The following SAMD4A variants were observed in gnomAD, a reference collection of about 807,000 sequenced individuals.
The protein encoded by SAMD4A is protein Smaug homolog 1.
Under a neutral mutation model 81.3 loss-of-function variants are expected in SAMD4A, and 33 were observed. The observed-to-expected ratio is 0.41, with a 90% confidence interval of 0.31 to 0.54. The LOEUF is 0.54. Ranked by LOEUF, SAMD4A falls within the 20% of genes least tolerant of loss-of-function variation. SAMD4A has a pLI of 0.37. For synonymous variants in SAMD4A, 389 were observed against 382.1 expected (o/e 1.02, Z -0.21); for missense variants, 854 against 951.1 (o/e 0.90, Z 1.34).
intron 8 of SAMD4A, among the ~76,000 whole-genome samples, chr14:54,767,075 A>G (rs2038566216): frequency 6.6e-6 from 1 of 152,100 alleles, no homozygotes; most frequent in African/African-American, 2.4e-5. Context: ...GTCAGGATGG[A>G]GGGGCCTGCG....
intron 2 of SAMD4A, among the ~76,000 whole-genome samples, chr14:54,570,708 G>C (rs901854562): frequency 6.6e-6 from 1 of 152,142 alleles, no homozygotes; most frequent in Non-Finnish European, 1.5e-5. Context: ...TGTTGTTAAC[G>C]GTGAACTATG....
At chr14:54,605,166 G>A (rs895776304) in intron 2 of SAMD4A, among the ~76,000 whole-genome samples, 2 of 152,074 alleles carry the variant, frequency 1.3e-5, no homozygotes, top group East Asian at 3.8e-4. Flanking sequence ...ATTACAGCGG[G>A]GGTAGCTTCC....
intron 2 of SAMD4A, among the ~76,000 whole-genome samples, chr14:54,603,810 GTTTA>G (rs1210954060): frequency 2.0e-5 from 3 of 147,922 alleles, no homozygotes; most frequent in South Asian, 4.3e-4. Context: ...TTGTTTGTTT[GTTTA>G]TTTGTTTATT....
chr14:54,605,822 C>T (rs1243204485), intron 2 of SAMD4A, among the ~76,000 whole-genome samples: 1 of 151,626 alleles, frequency 6.6e-6, no homozygotes, highest in Non-Finnish European at 1.5e-5. Context: ...TATATATAAA[C>T]ATGCCCATAT....
intron 8 of SAMD4A, among the ~76,000 whole-genome samples, chr14:54,769,288 A>C (rs559014326): frequency 1.3e-5 from 2 of 152,334 alleles, no homozygotes; most frequent in South Asian, 4.1e-4. Flanking sequence ...AAGGGAGCCC[A>C]GGTATCTGAA....
chr14:54,672,318 C>T (rs964708445), intron 2 of SAMD4A, among the ~76,000 whole-genome samples: 4 of 151,976 alleles, frequency 2.6e-5, no homozygotes, highest in African/African-American at 4.8e-5. Context: ...TCTTCCTAAG[C>T]GCAGAAGGGT....
intron 2 of SAMD4A, among the ~76,000 whole-genome samples, chr14:54,670,181 G>A (rs946383237): frequency 6.6e-5 from 10 of 151,760 alleles, no homozygotes; most frequent in South Asian, 2.1e-4. Flanking sequence ...CTCATTCCCC[G>A]CCCCCATCTG....
intron 2 of SAMD4A, chr14:54,688,407 T>G: frequency 1.0e-3 from 958 of 956,520 alleles, no homozygotes; most frequent in Middle Eastern, 2.2e-3. Context: ...GGGTGGTTTG[T>G]GAGGGTGTGA....
intron 2 of SAMD4A, among the ~76,000 whole-genome samples, chr14:54,619,600 A>G (rs1313451353): frequency 1.3e-5 from 2 of 152,110 alleles, no homozygotes; most frequent in East Asian, 1.9e-4. Context: ...AGGTTTTGTT[A>G]TATAGGCCTT....
chr14:54,631,454 G>C (rs1184171107), intron 2 of SAMD4A, among the ~76,000 whole-genome samples: 1 of 152,048 alleles, frequency 6.6e-6, no homozygotes, highest in Non-Finnish European at 1.5e-5. Flanking sequence ...ACATTCTCAG[G>C]GTCTTCATTT....
At chr14:54,636,943 C>T (rs749584679) in intron 2 of SAMD4A, among the ~76,000 whole-genome samples, 7 of 151,950 alleles carry the variant, frequency 4.6e-5, no homozygotes, top group East Asian at 3.9e-4. Context: ...ATCAAGGGGG[C>T]GAGATATACA....
At chr14:54,689,184 C>CAT (rs1342963037) in intron 2 of SAMD4A, among the ~76,000 whole-genome samples, 4 of 152,264 alleles carry the variant, frequency 2.6e-5, no homozygotes, top group African/African-American at 9.6e-5. Context: ...CCACCCACCT[C>CAT]AGCCTCCCAA....
chr14:54,567,668 T>A lies in SAMD4A; in HGVS notation c.-249T>A. ...ATTTTTAAAAAGTCGTTTTTTTTTT[T>A]AAAGAAACATTTCCGTGCTACTGTC... On this transcript the variant is annotated 5_prime_UTR_variant, in exon 2 of 13. Transcript: ENST00000554335. 2 of 476,768 alleles carry A rather than the reference T, an allele frequency of 4.2e-6. No individual in the cohort carries two copies. Among genetic ancestry groups the A allele is most frequent in the Non-Finnish European group, 7.3e-6 (2 of 272,572 alleles). The allele number at this position is 476,768 out of a possible 1,614,324, so 29.5% of individuals were successfully genotyped here.
At chr14:54,606,183 C>CTGTGTGTG (rs57209362) in intron 2 of SAMD4A, among the ~76,000 whole-genome samples, 2,648 of 146,626 alleles carry the variant, frequency 0.018, 40 homozygotes, top group South Asian at 0.076. Context: ...TACTTCTGGG[C>CTGTGTGTG]TGTGTGTGTG....
At chr14:54,581,171 A>G (rs1158935840) in intron 2 of SAMD4A, among the ~76,000 whole-genome samples, 1 of 152,264 alleles carries the variant, frequency 6.6e-6, no homozygotes, top group African/African-American at 2.4e-5. Flanking sequence ...CAGAAATCAC[A>G]AGGCTATTAC....
At position 54,664,810 on chromosome 14, in the gene SAMD4A, A is replaced by AACACACACAC. The variant is rs140875623; in HGVS notation, c.197-37221_197-37212dup. Reference sequence around the variant, plus strand: ...TAAATATGTTTAATTATGTGAATCCAACACACACACACACACACACACACA... The same window carrying AACACACACAC: ...TAAATATGTTTAATTATGTGAATCCAACACACACACACACACACACACACACACACACACA... On this transcript the variant is annotated intron_variant, in intron 2 of 12. Coordinates refer to ENST00000554335, the MANE Select transcript of SAMD4A (RefSeq NM_015589.6). 4.1e-3 allele frequency among the ~76,000 whole-genome samples: 584 copies of AACACACACAC among 141,750 alleles called. 2 individuals are homozygous for AACACACACAC. Among genetic ancestry groups the AACACACACAC allele is most frequent in the African/African-American group, 0.013 (487 of 38,742 alleles). The allele number at this position is 141,750 out of a possible 152,430, so 93.0% of individuals were successfully genotyped here. A position where few individuals can be genotyped will look rare whatever the true frequency, so the allele number is the denominator to read the frequency against.
At chr14:54,574,508 T>G (rs2033229461) in intron 2 of SAMD4A, among the ~76,000 whole-genome samples, 1 of 152,132 alleles carries the variant, frequency 6.6e-6, no homozygotes, top group Non-Finnish European at 1.5e-5. Context: ...GAAGGATGAA[T>G]GTGAATAGGG....
chr14:54,663,041 T>G lies in SAMD4A; in HGVS notation c.197-39021T>G, dbSNP rs550570952. On this transcript the variant is annotated intron_variant, in intron 2 of 12. Transcript: ENST00000554335. The stretch of plus-strand genomic sequence containing the variant: ...TAATTAATCACACTGGGGAAACTAC[T>G]CCATTGAAGTTGGACATAACAGGAT... 8.7e-4 allele frequency among the ~76,000 whole-genome samples: 133 copies of G among 152,320 alleles called. 1 individual carries two copies. The highest frequency in any genetic ancestry group is 3.0e-3 in the African/African-American group (126 of 41,556).
rs777395365 is a variant in SAMD4A at position 54,737,015 on chromosome 14, T to A, written c.716-9T>A. 5 of 1,612,792 alleles carry A rather than the reference T, an allele frequency of 3.1e-6. No individual in the cohort carries two copies. Among genetic ancestry groups the A allele is most frequent in the Admixed American group, 1.7e-5 (1 of 59,984 alleles). Reference sequence around the variant, plus strand: ...GGAATAACCTATTTCATTTTATTTTTTTTTCCAGTTCTCTCAGGCCAGGCA... The same window carrying A: ...GGAATAACCTATTTCATTTTATTTTATTTTCCAGTTCTCTCAGGCCAGGCA... On this transcript the variant is annotated splice_polypyrimidine_tract_variant and intron_variant, in intron 3 of 12. Transcript: ENST00000554335.
Sources: allele counts gnomAD v4.1 joint callset (sites outside exome capture counted in the v4.1 genomes callset), GRCh38; gene constraint gnomAD v4.1.1; transcripts MANE v1.5; gene names NCBI Gene and HGNC (gene_info 2026-07-23, HGNC 2026-07-21).